Variants in UBAC2 observed in about 807,000 individuals in gnomAD.
UBAC2 encodes the protein UBA domain containing 2.
In UBAC2, 26 loss-of-function variants were observed where a neutral mutation model predicts 44.0. That is an observed-to-expected ratio of 0.59 (90% CI 0.43 to 0.82). The LOEUF (loss-of-function observed/expected upper bound fraction) is 0.82. UBAC2 is among the 40% of genes least tolerant of loss of function. UBAC2 has a pLI of 0.00. For synonymous variants in UBAC2, 155 were observed against 154.3 expected, an observed-to-expected ratio of 1.00 and a Z score of -0.04; for missense variants, 329 against 419.4, an observed-to-expected ratio of 0.78 and a Z score of 1.88.
chr13:99,349,081 C>G (rs957630480), intron 7 of UBAC2, among the ~76,000 whole-genome samples: 16 of 152,206 alleles, frequency 1.1e-4, no homozygotes, highest in African/African-American at 3.9e-4. Flanking sequence ...TAGCTCATCA[C>G]AGTGAAGGAC....
chr13:99,223,873 AT>A (rs1322998803), intron 1 of UBAC2, among the ~76,000 whole-genome samples: 1 of 151,852 alleles, frequency 6.6e-6, no homozygotes, highest in Non-Finnish European at 1.5e-5. Context: ...ATTCCTTTAA[AT>A]TTTTTTGAGG....
intron 7 of UBAC2, among the ~76,000 whole-genome samples, chr13:99,364,659 A>G (rs148355068): frequency 1.3e-5 from 2 of 152,268 alleles, no homozygotes; most frequent in East Asian, 3.9e-4. Context: ...TTTCAATTAC[A>G]TTAAAGTATG....
chr13:99,348,951 G>T (rs2045035120), intron 7 of UBAC2, among the ~76,000 whole-genome samples: 1 of 152,208 alleles, frequency 6.6e-6, no homozygotes, highest in Non-Finnish European at 1.5e-5. Context: ...AGGTCAAGGT[G>T]CAATCACGGC....
chr13:99,228,868 G>T (rs1472180546), intron 1 of UBAC2, among the ~76,000 whole-genome samples: 1 of 152,200 alleles, frequency 6.6e-6, no homozygotes, highest in Non-Finnish European at 1.5e-5. Flanking sequence ...ATGCTCACAA[G>T]ACCTTACCAG....
chr13:99,349,737 G>T (rs977704479), intron 7 of UBAC2, among the ~76,000 whole-genome samples: 1 of 152,140 alleles, frequency 6.6e-6, no homozygotes, highest in African/African-American at 2.4e-5. Context: ...TATCTACTAC[G>T]AACTTCAAAG....
intron 6 of UBAC2, among the ~76,000 whole-genome samples, chr13:99,330,992 A>G (rs551922911): frequency 5.3e-5 from 8 of 152,254 alleles, no homozygotes; most frequent in Non-Finnish European, 1.2e-4. Context: ...TAAGAACCTG[A>G]TGATGGTTTT....
At chr13:99,309,960 T>C (rs2044390506) in intron 4 of UBAC2, among the ~76,000 whole-genome samples, 1 of 152,210 alleles carries the variant, frequency 6.6e-6, no homozygotes, top group South Asian at 2.1e-4. Context: ...CTTAACAAGG[T>C]GTCTCTGTTA....
intron 4 of UBAC2, among the ~76,000 whole-genome samples, chr13:99,293,719 T>G (rs1029543871): frequency 6.6e-6 from 1 of 152,200 alleles, no homozygotes; most frequent in Admixed American, 6.5e-5. Context: ...CTGAATATAC[T>G]AGTAAATGGT....
chr13:99,376,474 C>T (rs1223845459), intron 8 of UBAC2, among the ~76,000 whole-genome samples: 2 of 152,198 alleles, frequency 1.3e-5, no homozygotes. Context: ...GGTCTTCATC[C>T]CCGTGAGGGC....
intron 1 of UBAC2, among the ~76,000 whole-genome samples, chr13:99,213,202 G>T (rs963608343): frequency 6.6e-6 from 1 of 150,416 alleles, no homozygotes; most frequent in African/African-American, 2.4e-5. Flanking sequence ...GAGTTAGAAT[G>T]ATTATAACTT....
chr13:99,216,827 C>CTT (rs2043000861), intron 1 of UBAC2, among the ~76,000 whole-genome samples: 3 of 111,028 alleles, frequency 2.7e-5, no homozygotes, highest in Non-Finnish European at 6.2e-5. Flanking sequence ...GGACTCTTTT[C>CTT]TTTTTTCTTT....
intron 4 of UBAC2, among the ~76,000 whole-genome samples, chr13:99,248,591 C>T (rs1174859779): frequency 2.0e-5 from 3 of 152,188 alleles, no homozygotes; most frequent in African/African-American, 7.2e-5. Context: ...CCGTATTGGT[C>T]AGGCTGGTCA....
rs112808371 is a variant in UBAC2, at chr13:99,294,108, A to T, written c.390-19989A>T. Among the ~76,000 whole-genome samples the T allele has an allele frequency of 3.3e-3, 503 of 152,224 alleles. 5 individuals are homozygous for T. The highest frequency in any genetic ancestry group is 0.012 in the African/African-American group (484 of 41,550). ...GCTTAATTTTGTAAGTTTGCATTTT[A>T]CTCGGATCGTATTTAGCAAGCAGCA... On this transcript the variant is annotated intron_variant, in intron 4 of 8. Transcript: ENST00000403766.
rs1201182510 is a variant in UBAC2, at chr13:99,295,411, T to C, written c.390-18686T>C. 2 of 1,614,084 alleles carry C rather than the reference T, an allele frequency of 1.2e-6. No individual in the cohort carries two copies. The highest frequency in any genetic ancestry group is 3.3e-5 in the Admixed American group (2 of 60,016). ...CAAACACAACAATAATAAGAATAATTGTGTTGAGAGCCTTTTTGTTTACAC... is the reference window on the plus strand; with the variant it reads ...CAAACACAACAATAATAAGAATAATCGTGTTGAGAGCCTTTTTGTTTACAC... On this transcript the variant is annotated intron_variant, in intron 4 of 8. Coordinates refer to ENST00000403766, the MANE Select transcript of UBAC2 (RefSeq NM_001144072.2). The surrounding 1 kb of genome is among the most constrained non-coding windows in gnomAD (Gnocchi z 4.1).
chr13:99,342,514 T>C (rs1042111669), intron 7 of UBAC2, among the ~76,000 whole-genome samples: 4 of 152,076 alleles, frequency 2.6e-5, no homozygotes, highest in African/African-American at 7.2e-5. Context: ...GATGCCAGGT[T>C]GGATGCTCCA....
chr13:99,290,108 C>G (rs1293881787), intron 4 of UBAC2, among the ~76,000 whole-genome samples: 1 of 152,074 alleles, frequency 6.6e-6, no homozygotes, highest in Non-Finnish European at 1.5e-5. Flanking sequence ...GCCTGGCTCC[C>G]CACTTGCTGA....
chr13:99,230,199 C>T (rs755945264), intron 1 of UBAC2, among the ~76,000 whole-genome samples: 1 of 152,198 alleles, frequency 6.6e-6, no homozygotes, highest in South Asian at 2.1e-4. Flanking sequence ...CACAGTGGCT[C>T]ATGCCTGTAA....
intron 7 of UBAC2, among the ~76,000 whole-genome samples, chr13:99,349,647 G>A (rs2045049054): frequency 6.6e-6 from 1 of 152,152 alleles, no homozygotes; most frequent in African/African-American, 2.4e-5. Flanking sequence ...GAGAGAGAAG[G>A]CACCATACGT....
At position 99,342,990 on chromosome 13, in the gene UBAC2, C is replaced by T. The variant is rs541182594; in HGVS notation, c.807+2425C>T. On this transcript the variant is annotated intron_variant, in intron 7 of 8. Transcript: ENST00000403766. ...TCCATTTGGCTGTTTTCCCCTCTGT[C>T]ACTTGGTCATGAGGGGCCCACCAGC... Among the ~76,000 whole-genome samples the T allele has an allele frequency of 6.6e-5, 10 of 152,346 alleles. No homozygotes were observed. The South Asian group carries it at 1.9e-3, about 28-fold the overall frequency.
Sources: gnomAD v4.1 joint callset for allele counts (sites outside exome capture counted in the v4.1 genomes callset) on GRCh38, gnomAD v4.1.1 for gene constraint, Gnocchi (gnomAD v3.1) non-coding constraint, MANE v1.5 for transcripts, NCBI Gene and HGNC (gene_info 2026-07-23, HGNC 2026-07-21) for gene names.